The following SMARCA2 variants were observed in gnomAD, a reference collection of about 807,000 sequenced individuals.
SMARCA2 encodes the protein SWI/SNF-related matrix-associated actin-dependent regulator of chromatin subfamily A member 2.
SMARCA2 carries 61 observed loss-of-function variants against 199.8 expected under a neutral mutation model. The ratio of observed to expected loss-of-function variants is 0.31; its 90% CI spans 0.25 to 0.38. The LOEUF is 0.38. Ranked by LOEUF, SMARCA2 falls within the 10% of genes least tolerant of loss-of-function variation. SMARCA2 has a pLI of 1.00. For missense variants in SMARCA2, 1,344 were observed against 2,012.2 expected (o/e 0.67, Z 6.35); for synonymous variants, 935 against 732.0 (o/e 1.28, Z -4.48).
chr9:2,179,590 C>G (rs1461762970), intron 29 of SMARCA2, among the ~76,000 whole-genome samples: 2 of 152,128 alleles, frequency 1.3e-5, no homozygotes, highest in Non-Finnish European at 2.9e-5. Context: ...AGATGTCATA[C>G]CTAGATTGTT....
At chr9:2,188,380 C>T (rs993179978) in intron 32 of SMARCA2, among the ~76,000 whole-genome samples, 7 of 151,818 alleles carry the variant, frequency 4.6e-5, no homozygotes, top group African/African-American at 1.5e-4. Flanking sequence ...TTGCCCTCAA[C>T]ATACATAAGC....
Position 2,170,664 on chromosome 9 carries a change from G to A in SMARCA2, c.4253+192G>A, listed in dbSNP as rs879655849. Reference sequence around the variant, plus strand: ...CATGGCTTCTGAAGTTGTTGGTGCTGTATTTTAATCTGGCTGTGCCAATTC... The same window carrying A: ...CATGGCTTCTGAAGTTGTTGGTGCTATATTTTAATCTGGCTGTGCCAATTC... On this transcript the variant is annotated intron_variant, in intron 29 of 33. Coordinates refer to ENST00000349721, the MANE Select transcript of SMARCA2 (RefSeq NM_003070.5). The surrounding 1 kb of genome is among the most constrained non-coding windows in gnomAD (Gnocchi z 4.7). Among the ~76,000 whole-genome samples the A allele has an allele frequency of 6.6e-6, 1 of 152,208 alleles. No individual in the cohort carries two copies. Among genetic ancestry groups the A allele is most frequent in the African/African-American group, 2.4e-5 (1 of 41,442 alleles).
At position 2,130,976 on chromosome 9, in the gene SMARCA2, A is replaced by G. The variant is rs1371985533; in HGVS notation, c.3981+7039A>G. On this transcript the variant is annotated intron_variant, in intron 27 of 33. Coordinates refer to ENST00000349721, the MANE Select transcript of SMARCA2 (RefSeq NM_003070.5). ...GCAAAATTGGGGTGATTGCAGAGCC[A>G]AAAAGCGGGCTGGAGGGTGGTTTCT... 2.0e-5 allele frequency among the ~76,000 whole-genome samples: 3 copies of G among 152,180 alleles called. No individual in the cohort carries two copies. In the East Asian group the frequency reaches 5.8e-4, roughly 29 times the overall value.
chr9:2,056,752 C>T lies in SMARCA2; in HGVS notation c.1254C>T (p.Ser418=). The change falls in exon 7 of 34, where the codon AGC becomes AGT. Residue 418 remains serine, a synonymous_variant. Transcript: ENST00000349721. The surrounding 1 kb of genome is among the most constrained non-coding windows in gnomAD (Gnocchi z 4.0). Reference sequence around the variant, plus strand: ...TCAACTCCAAAGCATACAAACGGAGCAAGCGCCAGACTCTGAGAGAAGCTC... The same window carrying T: ...TCAACTCCAAAGCATACAAACGGAGTAAGCGCCAGACTCTGAGAGAAGCTC... ...TALNSKAYKR[S]KRQTLREARM... 1 of 1,614,154 alleles carries T rather than the reference C, an allele frequency of 6.2e-7. No homozygotes were observed. The highest frequency in any genetic ancestry group is 2.2e-5 in the East Asian group (1 of 44,884).
At chr9:2,149,697 G>T (rs1443645016) in intron 27 of SMARCA2, among the ~76,000 whole-genome samples, 8 of 151,436 alleles carry the variant, frequency 5.3e-5, no homozygotes, top group Admixed American at 5.3e-4. Context: ...TTTGGGTGGG[G>T]ACACAGAGCC....
chr9:2,102,268 A>G (rs1822554583), intron 22 of SMARCA2, among the ~76,000 whole-genome samples: 2 of 152,150 alleles, frequency 1.3e-5, no homozygotes, highest in East Asian at 1.9e-4. Context: ...ACTATAGCCT[A>G]TCCTGAAGCA....
intron 4 of SMARCA2, chr9:2,042,423 C>T (rs559531102): frequency 1.3e-5 from 2 of 152,236 alleles, no homozygotes; most frequent in East Asian, 3.9e-4. Context: ...TTTTTAAGAA[C>T]GAGCTAGACT....
At position 2,058,397 on chromosome 9, in the gene SMARCA2, C is replaced by T; in HGVS notation, c.1454C>T (p.Ala485Val). 1 of 1,614,016 alleles carries T rather than the reference C, an allele frequency of 6.2e-7. No individual in the cohort carries two copies. Among genetic ancestry groups the T allele is most frequent in the Non-Finnish European group, 8.5e-7 (1 of 1,179,944 alleles). Reference protein sequence around the residue: ...KLSKAVATWHANTEREQKKET... With the variant: ...KLSKAVATWHVNTEREQKKET... ...TCCAAAGCAGTGGCAACTTGGCATG[C>T]CAACACTGAAAGAGAGCAGAAGAAG... The change falls in exon 8 of 34, where the codon GCC becomes GTC. Residue 485 changes from alanine to valine, a missense_variant. By Grantham distance (64) the Ala-to-Val change is moderately conservative. This residue lies in a region of SMARCA2 where 155 missense variants were observed against 260.0 expected (regional missense o/e 0.60). Coordinates refer to ENST00000349721, the MANE Select transcript of SMARCA2 (RefSeq NM_003070.5).
intron 27 of SMARCA2, among the ~76,000 whole-genome samples, chr9:2,147,631 A>C (rs1252745676): frequency 1.3e-5 from 2 of 152,130 alleles, no homozygotes; most frequent in Non-Finnish European, 2.9e-5. Context: ...GTATCAGCTG[A>C]GGTCAGGAGT....
chr9:2,125,010 T>C (rs1216374449), intron 27 of SMARCA2, among the ~76,000 whole-genome samples: 4 of 152,160 alleles, frequency 2.6e-5, no homozygotes, highest in African/African-American at 9.7e-5. Context: ...GTTCCCAAGC[T>C]TTGTGAAACA....
chr9:2,184,286 T>G (rs1827267928), intron 31 of SMARCA2, among the ~76,000 whole-genome samples: 1 of 151,962 alleles, frequency 6.6e-6, no homozygotes, highest in African/African-American at 2.4e-5. Context: ...TAAGATACAG[T>G]ACAGAGAGAT....
At chr9:2,124,436 G>C (rs1328636533) in intron 27 of SMARCA2, among the ~76,000 whole-genome samples, 1 of 152,220 alleles carries the variant, frequency 6.6e-6, no homozygotes, top group African/African-American at 2.4e-5. Flanking sequence ...TAGACCCATA[G>C]TACTTTTAGA....
chr9:2,074,722 C>T (rs773917471), intron 12 of SMARCA2, among the ~76,000 whole-genome samples: 5 of 152,090 alleles, frequency 3.3e-5, no homozygotes, highest in East Asian at 3.9e-4. Context: ...CAAAAATCAG[C>T]GGGGCGTGGT....
chr9:2,186,820 C>G (rs1827492340), intron 32 of SMARCA2, among the ~76,000 whole-genome samples: 1 of 152,066 alleles, frequency 6.6e-6, no homozygotes, highest in South Asian at 2.1e-4. Flanking sequence ...GCCGCCACAC[C>G]TGACCTGCAA....
intron 5 of SMARCA2, among the ~76,000 whole-genome samples, chr9:2,049,263 A>AT (rs1186411021): frequency 6.6e-6 from 1 of 151,880 alleles, no homozygotes; most frequent in Non-Finnish European, 1.5e-5. Flanking sequence ...GTTCTTAATC[A>AT]TTTTTTCTGG....
At position 2,017,867 on chromosome 9, in the gene SMARCA2, C is replaced by G. The variant is rs886678207; in HGVS notation, c.-37+2463C>G. The G allele has an allele frequency of 6.6e-6, 1 of 152,354 alleles. No homozygotes were observed. Among genetic ancestry groups the G allele is most frequent in the East Asian group, 1.9e-4 (1 of 5,202 alleles). 9.4% of individuals were successfully genotyped at this position (152,354 alleles called of 1,614,324 possible). A position where few individuals can be genotyped will look rare whatever the true frequency, so the allele number is the denominator to read the frequency against. ...TTTCCAGTTCTTTCCCTGCCAGCCC[C>G]CTCCGGTCTCCCGGCTCGCCTTTCC... On this transcript the variant is annotated intron_variant, in intron 1 of 33. Transcript: ENST00000349721. This position sits in a 1 kb window ranked among gnomAD's most constrained non-coding sequence, Gnocchi z 8.8.
chr9:2,048,803 C>T (rs1819994233), intron 5 of SMARCA2, among the ~76,000 whole-genome samples: 1 of 152,248 alleles, frequency 6.6e-6, no homozygotes, highest in South Asian at 2.1e-4. Flanking sequence ...TATTTCAGTG[C>T]TGATAGGCAG....
At chr9:2,106,834 C>T (rs1822775145) in intron 23 of SMARCA2, among the ~76,000 whole-genome samples, 1 of 152,210 alleles carries the variant, frequency 6.6e-6, no homozygotes, top group South Asian at 2.1e-4. Flanking sequence ...CAGAAGACAA[C>T]ACTTTCTAAA....
Position 2,156,349 on chromosome 9 carries a change from A to T in SMARCA2, c.3982-5337A>T, listed in dbSNP as rs1251143419. ...GTTAAGTTGTTCCTTAATTTAGATA[A>T]TTTGGTTTCTTTTCAGGGACTTTTT... is the stretch of plus-strand genomic sequence containing the variant. On this transcript the variant is annotated intron_variant, in intron 27 of 33. Transcript: ENST00000349721. 3.4e-5 allele frequency among the ~76,000 whole-genome samples: 5 copies of T among 147,082 alleles called. No individual in the cohort carries two copies. In the East Asian group the frequency reaches 1.0e-3, roughly 30 times the overall value.
Sources: gnomAD v4.1 joint callset for allele counts (sites outside exome capture counted in the v4.1 genomes callset) on GRCh38, gnomAD v4.1.1 for gene constraint, gnomAD v4.1.1 regional missense constraint, Gnocchi (gnomAD v3.1) non-coding constraint, MANE v1.5 for transcripts, NCBI Gene and HGNC (gene_info 2026-07-23, HGNC 2026-07-21) for gene names.